Variants in SKIL observed in about 807,000 individuals in gnomAD.
The protein encoded by SKIL is ski-like protein.
Under a neutral mutation model 69.6 loss-of-function variants are expected in SKIL, and 20 were observed. The ratio of observed to expected loss-of-function variants is 0.29; its 90% CI spans 0.20 to 0.42. The LOEUF (loss-of-function observed/expected upper bound fraction) is 0.42, where lower values mean the gene tolerates loss of function less well. Among genes scored for constraint, SKIL ranks in the 10% least tolerant of loss-of-function variants. The probability of loss-of-function intolerance (pLI) is 1.00; values close to 1 mark genes in which losing one functional copy is unlikely to be tolerated. For missense variants in SKIL, 745 were observed against 783.1 expected (o/e 0.95, Z 0.58); for synonymous variants, 310 against 279.9 (o/e 1.11, Z -1.08).
At chr3:170,384,385 TACTGTG>T in intron 3 of SKIL, 142 bp from the exon 4 acceptor site, 1 of 533,676 alleles carries the variant, frequency 1.9e-6, no homozygotes, top group Non-Finnish European at 3.3e-6. Context: ...AAGAATTCTT[TACTGTG>T]ACCTTTATTT....
intron 2 of SKIL, among the ~76,000 whole-genome samples, chr3:170,366,696 G>GACACACAGACACACACAC (rs57637265): frequency 8.1e-5 from 12 of 147,688 alleles, no homozygotes; most frequent in East Asian, 2.0e-4. Context: ...CACACACACA[G>GACACACAGACACACACAC]ACACACACAC....
chr3:170,358,050 G>A (rs1319639414), intron 1 of SKIL, among the ~76,000 whole-genome samples: 1 of 152,074 alleles, frequency 6.6e-6, no homozygotes, highest in African/African-American at 2.4e-5. Flanking sequence ...GGAGCCGCGG[G>A]GACCCCGGAG....
intron 2 of SKIL, among the ~76,000 whole-genome samples, chr3:170,373,170 T>C (rs932182295): frequency 1.3e-5 from 2 of 151,906 alleles, no homozygotes; most frequent in Middle Eastern, 3.4e-3. Flanking sequence ...CTAATTTTTT[T>C]ATTTATTTTT....
chr3:170,362,438 GT>G (rs1188057421), intron 2 of SKIL, among the ~76,000 whole-genome samples: 1 of 152,184 alleles, frequency 6.6e-6, no homozygotes, highest in Non-Finnish European at 1.5e-5. Flanking sequence ...GGAGGCGGAG[GT>G]TGTAGTGAGC....
At chr3:170,367,223 C>T (rs1171144357) in intron 2 of SKIL, among the ~76,000 whole-genome samples, 1 of 151,992 alleles carries the variant, frequency 6.6e-6, no homozygotes, top group African/African-American at 2.4e-5. Flanking sequence ...ATTCTCCTGC[C>T]TCAGCCCCCT....
Position 170,392,316 on chromosome 3 carries a change from G to T in SKIL, c.1954G>T (p.Asp652Tyr). 1 of 1,613,564 alleles carries T rather than the reference G, an allele frequency of 6.2e-7. No homozygotes were observed. Among genetic ancestry groups the T allele is most frequent in the Non-Finnish European group, 8.5e-7 (1 of 1,179,574 alleles). ...HAEADRQELQ[D>Y]ELRQEREARQ... ...TGAGGCCGATAGGCAAGAACTCCAA[G>T]ATGAACTCAGACAGGAACGGGAAGC... Residue 652 changes from aspartate (D) to tyrosine (Y), a missense_variant, in exon 7 of 7, where the codon GAT becomes TAT. By Grantham distance (160) the Asp-to-Tyr change is radical. Coordinates refer to ENST00000259119, the MANE Select transcript of SKIL (RefSeq NM_005414.5).
chr3:170,359,422 C>T (rs1016429760), intron 1 of SKIL, among the ~76,000 whole-genome samples: 4 of 151,792 alleles, frequency 2.6e-5, no homozygotes, highest in Non-Finnish European at 5.9e-5. Context: ...ATGGTGAAAC[C>T]CCGTTTCTAC....
intron 2 of SKIL, among the ~76,000 whole-genome samples, chr3:170,367,581 C>G (rs923117733): frequency 4.0e-5 from 6 of 151,850 alleles, no homozygotes; most frequent in Admixed American, 6.6e-5. Flanking sequence ...ATTCTCCTGC[C>G]TCAGTGTCCC....
rs1009949282 is a variant in SKIL, at chr3:170,392,430, A to G, written c.*13A>G. On this transcript the variant is annotated 3_prime_UTR_variant, in exon 7 of 7. Coordinates refer to ENST00000259119, the MANE Select transcript of SKIL (RefSeq NM_005414.5). ...TGCTAAAGAATAGAAACTGTTAAAG[A>G]GATTCATCTGTGTATTACTGACAAG... The G allele has an allele frequency of 2.5e-6, 4 of 1,582,812 alleles. No individual in the cohort carries two copies. Among genetic ancestry groups the G allele is most frequent in the Non-Finnish European group, 3.4e-6 (4 of 1,161,744 alleles).
At chr3:170,387,759 T>TGAAAAAAAA (rs1737710238) in intron 4 of SKIL, among the ~76,000 whole-genome samples, 2 of 57,694 alleles carry the variant, frequency 3.5e-5, no homozygotes, top group Admixed American at 4.7e-4. Flanking sequence ...CCGTCTCTAC[T>TGAAAAAAAA]AAAAAAAAAA....
intron 4 of SKIL, among the ~76,000 whole-genome samples, chr3:170,385,632 C>G (rs1179802799): frequency 1.3e-5 from 2 of 152,168 alleles, no homozygotes; most frequent in Non-Finnish European, 2.9e-5. Context: ...TGAGACATGT[C>G]TGCAGATATT....
At chr3:170,379,690 C>G (rs143739665) in intron 2 of SKIL, among the ~76,000 whole-genome samples, 1 of 152,086 alleles carries the variant, frequency 6.6e-6, no homozygotes, top group Non-Finnish European at 1.5e-5. Context: ...GTTGCCCAGG[C>G]TGGAGTGCAG....
In SKIL at chr3:170,381,262, A is replaced by G; in HGVS notation, c.1117A>G (p.Met373Val). 1 of 1,585,486 alleles carries G rather than the reference A, an allele frequency of 6.3e-7. No homozygotes were observed. Among genetic ancestry groups the G allele is most frequent in the Admixed American group, 1.7e-5 (1 of 59,960 alleles). The change falls in exon 3 of 7, where the codon ATG becomes GTG. Residue 373 changes from methionine (M) to valine (V), a missense_variant. Physicochemically the swap from Met to Val is conservative, Grantham distance 21. Coordinates refer to ENST00000259119, the MANE Select transcript of SKIL (RefSeq NM_005414.5). The part of the protein sequence containing the change: ...NQSKTDAPSG[M>V]ELQSWYPVIK... ...TCTGCAGACAGATGCACCATCAGGA[A>G]TGGAATTACAGTCATGGTATCCTGT... is the stretch of plus-strand genomic sequence containing the variant.
intron 1 of SKIL, among the ~76,000 whole-genome samples, chr3:170,359,408 T>C (rs1383791251): frequency 6.6e-6 from 1 of 152,000 alleles, no homozygotes; most frequent in Non-Finnish European, 1.5e-5. Flanking sequence ...CCAGCCTGAC[T>C]AATATGGTGA....
At chr3:170,388,434 C>G (rs1737756018) in intron 4 of SKIL, among the ~76,000 whole-genome samples, 1 of 151,816 alleles carries the variant, frequency 6.6e-6, no homozygotes, top group South Asian at 2.1e-4. Flanking sequence ...ATACTGTTTT[C>G]TTTTTACTTT....
At chr3:170,385,257 A>ATTT (rs1159207619) in intron 4 of SKIL, among the ~76,000 whole-genome samples, 6 of 136,706 alleles carry the variant, frequency 4.4e-5, no homozygotes, top group Admixed American at 7.4e-5. Context: ...AAAAAAAAAA[A>ATTT]TTTTTTTTTT....
intron 2 of SKIL, among the ~76,000 whole-genome samples, chr3:170,372,127 G>T (rs1019087630): frequency 2.0e-5 from 3 of 152,198 alleles, no homozygotes; most frequent in Non-Finnish European, 2.9e-5. Flanking sequence ...GGGCATCACA[G>T]ACCTTCAGTA....
rs1738171407 is a variant in SKIL, at chr3:170,396,105, A to AT, written c.*3689dup. 1 of 150,664 alleles carries AT rather than the reference A, an allele frequency of 6.6e-6. No individual in the cohort carries two copies. The highest frequency in any genetic ancestry group is 1.5e-5 in the Non-Finnish European group (1 of 67,818). The allele number at this position is 150,664 out of a possible 1,614,324, so 9.3% of individuals were successfully genotyped here. A position where few individuals can be genotyped will look rare whatever the true frequency, so the allele number is the denominator to read the frequency against. Reference sequence around the variant, plus strand: ...ATTTAGTAATAGAATTAAATGTCCTATGTAGTGCTACAATTTTTGAATTAG... The same window carrying AT: ...ATTTAGTAATAGAATTAAATGTCCTATTGTAGTGCTACAATTTTTGAATTAG... On this transcript the variant is annotated 3_prime_UTR_variant, in exon 7 of 7. Transcript: ENST00000259119.
intron 4 of SKIL, 64 bp downstream of exon 4, chr3:170,384,829 T>C (rs1308529399): frequency 1.2e-6 from 1 of 862,298 alleles, no homozygotes; most frequent in African/African-American, 1.7e-5. Flanking sequence ...TTGAGCATTT[T>C]CAAACAGGCT....
Sources: gnomAD v4.1 joint callset for allele counts (sites outside exome capture counted in the v4.1 genomes callset) on GRCh38, gnomAD v4.1.1 for gene constraint, MANE v1.5 for transcripts, NCBI Gene and HGNC (gene_info 2026-07-23, HGNC 2026-07-21) for gene names.